Variants in TGFBRAP1 observed in about 807,000 individuals in gnomAD.
TGFBRAP1 encodes the protein transforming growth factor-beta receptor-associated protein 1.
In TGFBRAP1, 20 loss-of-function variants were observed where a neutral mutation model predicts 83.2. The ratio of observed to expected loss-of-function variants is 0.24; its 90% CI spans 0.17 to 0.35. The LOEUF (loss-of-function observed/expected upper bound fraction) is 0.35, where lower values mean the gene tolerates loss of function less well. Ranked by LOEUF, TGFBRAP1 falls within the 10% of genes least tolerant of loss-of-function variation. TGFBRAP1 has a pLI of 1.00. For synonymous variants in TGFBRAP1, 415 were observed against 459.8 expected, an observed-to-expected ratio of 0.90 and a Z score of 1.25; for missense variants, 950 against 1,099.4, an observed-to-expected ratio of 0.86 and a Z score of 1.92.
chr2:105,324,683 G>C (rs1679172361), intron 1 of TGFBRAP1, among the ~76,000 whole-genome samples: 1 of 152,160 alleles, frequency 6.6e-6, no homozygotes, highest in African/African-American at 2.4e-5. Context: ...TCCCCTGACA[G>C]AGGGGCTGAG....
chr2:105,316,328 T>G (rs1461653868), intron 1 of TGFBRAP1, among the ~76,000 whole-genome samples: 1 of 149,270 alleles, frequency 6.7e-6, no homozygotes, highest in Non-Finnish European at 1.5e-5. Context: ...TGTATGCAAA[T>G]TATGTTTTTT....
rs371349727 is a variant in TGFBRAP1 at position 105,308,187 on chromosome 2, C to T, written c.115G>A (p.Val39Met). ...CVECCGRDLY[V>M]GTNDCFVYHF... ...TAGACGAAGCAGTCGTTGGTGCCCA[C>T]GTAGAGGTCCCTGCCGCAGCACTCC... The change falls in exon 2 of 12, where the codon GTG (valine) becomes ATG (methionine). Residue 39 changes from valine to methionine, a missense_variant. By Grantham distance (21) the Val-to-Met change is conservative. Transcript: ENST00000393359. 21 of 1,614,090 alleles carry T rather than the reference C, an allele frequency of 1.3e-5. No homozygotes were observed. The highest frequency in any genetic ancestry group is 1.6e-4 in the Middle Eastern group (1 of 6,084).
chr2:105,326,799 G>A (rs1337169358), intron 1 of TGFBRAP1, among the ~76,000 whole-genome samples: 2 of 152,086 alleles, frequency 1.3e-5, no homozygotes, highest in Non-Finnish European at 2.9e-5. Flanking sequence ...CTTTAAATAT[G>A]TGATTTTTTC....
At chr2:105,275,495 G>A in intron 8 of TGFBRAP1, 65 bp downstream of exon 8, 1 of 1,579,736 alleles carries the variant, frequency 6.3e-7, no homozygotes. Flanking sequence ...TAAAAGCAAA[G>A]CTTTTGGGGT....
chr2:105,322,063 C>A (rs912778982), intron 1 of TGFBRAP1, among the ~76,000 whole-genome samples: 2 of 152,072 alleles, frequency 1.3e-5, no homozygotes, highest in African/African-American at 4.8e-5. Flanking sequence ...CCCCGAAGAC[C>A]TTCCAGTGGG....
intron 1 of TGFBRAP1, among the ~76,000 whole-genome samples, chr2:105,320,472 G>A (rs1679023515): frequency 6.6e-6 from 1 of 151,416 alleles, no homozygotes; most frequent in Admixed American, 6.6e-5. Flanking sequence ...TTGGACCAAA[G>A]CCAGGTCAGA....
chr2:105,263,672 G>A (rs1343067261), downstream of TGFBRAP1, among the ~76,000 whole-genome samples: 1 of 152,152 alleles, frequency 6.6e-6, no homozygotes, highest in Non-Finnish European at 1.5e-5. Flanking sequence ...GAGGTCAGGA[G>A]TTCAAGACCA....
rs541028274 is a variant in TGFBRAP1 at position 105,322,147 on chromosome 2, T to C, written c.-18+7478A>G. Reference sequence around the variant, plus strand: ...GCAGGCCAAGGCTAATGTGTGTGTGTTTGTGTCTTCATTTTTAACCAAAAA... The same window carrying C: ...GCAGGCCAAGGCTAATGTGTGTGTGCTTGTGTCTTCATTTTTAACCAAAAA... On this transcript the variant is annotated intron_variant, in intron 1 of 11. Transcript: ENST00000393359. Among the ~76,000 whole-genome samples, 4 of 152,142 alleles carry C rather than the reference T, an allele frequency of 2.6e-5. No homozygotes were observed. The East Asian group carries it at 7.7e-4, about 29-fold the overall frequency.
At chr2:105,271,003 C>T (rs1467276284) in intron 10 of TGFBRAP1, among the ~76,000 whole-genome samples, 1 of 152,218 alleles carries the variant, frequency 6.6e-6, no homozygotes, top group Non-Finnish European at 1.5e-5. Flanking sequence ...TTCCAGTGCT[C>T]CTCCCACAGT....
the TGFBRAP1 span, among the ~76,000 whole-genome samples, chr2:105,253,981 G>T: frequency 4.0e-5 from 6 of 151,458 alleles, no homozygotes; most frequent in Non-Finnish European, 8.8e-5. Context: ...TTTTGGAAGT[G>T]ATTTCTGGTG....
chr2:105,262,677 A>G (rs530114451), downstream of TGFBRAP1, among the ~76,000 whole-genome samples: 1 of 152,244 alleles, frequency 6.6e-6, no homozygotes, highest in East Asian at 1.9e-4. Context: ...TTGACTTCTC[A>G]AGTCATGCTC....
chr2:105,294,224 G>A (rs1040887469), intron 4 of TGFBRAP1, among the ~76,000 whole-genome samples: 3 of 151,912 alleles, frequency 2.0e-5, no homozygotes, highest in Non-Finnish European at 4.4e-5. Context: ...CATACTATCC[G>A]GCTCACTGGT....
At chr2:105,319,378 G>T (rs976857925) in intron 1 of TGFBRAP1, among the ~76,000 whole-genome samples, 1 of 143,396 alleles carries the variant, frequency 7.0e-6, no homozygotes, top group African/African-American at 2.5e-5. Flanking sequence ...AATATTTTAA[G>T]TAGATAATCT....
the TGFBRAP1 span, among the ~76,000 whole-genome samples, chr2:105,251,953 G>C: frequency 4.0e-5 from 6 of 149,288 alleles, no homozygotes; most frequent in South Asian, 2.2e-4. Context: ...CAGCATGCTC[G>C]TTAAGAGTCA....
Position 105,308,270 on chromosome 2 carries a change from G to C in TGFBRAP1, c.32C>G (p.Ser11Cys), listed in dbSNP as rs1326047283. MMSIKAFTLV[S>C]AVERELLMGD... is the part of the protein sequence containing the mutation. ...CATCAGCAGCTCCCGCTCCACAGCAGAGACAAGCGTAAAGGCTTTGATGCT... is the reference window on the plus strand; with the variant it reads ...CATCAGCAGCTCCCGCTCCACAGCACAGACAAGCGTAAAGGCTTTGATGCT... The change falls in exon 2 of 12, where the codon TCT becomes TGT. Residue 11 changes from serine to cysteine, a missense_variant. Transcript: ENST00000393359. The C allele has an allele frequency of 1.2e-6, 2 of 1,613,940 alleles. No homozygotes were observed. Among genetic ancestry groups the C allele is most frequent in the Non-Finnish European group, 1.7e-6 (2 of 1,179,816 alleles).
intron 1 of TGFBRAP1, among the ~76,000 whole-genome samples, chr2:105,317,786 G>A (rs976150704): frequency 6.6e-6 from 1 of 152,178 alleles, no homozygotes; most frequent in African/African-American, 2.4e-5. Flanking sequence ...AACTCCTGCA[G>A]CAAGAAAGTC....
intron 6 of TGFBRAP1, among the ~76,000 whole-genome samples, 163 bp from the exon 7 acceptor site, chr2:105,277,834 G>C (rs1318254974): frequency 1.3e-5 from 2 of 152,196 alleles, no homozygotes; most frequent in African/African-American, 2.4e-5. Context: ...TGGGTGGATG[G>C]CTTGAGCCCA....
At chr2:105,315,388 C>G (rs1678823086) in intron 1 of TGFBRAP1, among the ~76,000 whole-genome samples, 1 of 152,148 alleles carries the variant, frequency 6.6e-6, no homozygotes, top group Non-Finnish European at 1.5e-5. Flanking sequence ...TCAGAAATTG[C>G]TCTAATACTA....
At chr2:105,320,454 T>A (rs967327556) in intron 1 of TGFBRAP1, among the ~76,000 whole-genome samples, 1 of 152,096 alleles carries the variant, frequency 6.6e-6, no homozygotes, top group Non-Finnish European at 1.5e-5. Context: ...AAGTGGTCAT[T>A]CTAACATTTG....
Sources: allele counts gnomAD v4.1 joint callset (sites outside exome capture counted in the v4.1 genomes callset), GRCh38; gene constraint gnomAD v4.1.1; transcripts MANE v1.5; gene names NCBI Gene and HGNC (gene_info 2026-07-23, HGNC 2026-07-21).